Variants in RIMS1 observed in about 807,000 individuals in gnomAD.
RIMS1 encodes the protein regulating synaptic membrane exocytosis 1, also known as regulating synaptic membrane exocytosis protein 1.
Under a neutral mutation model 214.1 loss-of-function variants are expected in RIMS1, and 83 were observed. The observed-to-expected ratio is 0.39, with a 90% CI of 0.32 to 0.47. The LOEUF is 0.47. RIMS1 is among the 20% of genes least tolerant of loss of function. RIMS1 has a pLI of 0.99. For synonymous variants in RIMS1, 793 were observed against 786.8 expected (o/e 1.01, Z -0.13); for missense variants, 2,050 against 2,161.8 (o/e 0.95, Z 1.03).
At chr6:72,007,224 G>A (rs1808116514) in intron 2 of RIMS1, among the ~76,000 whole-genome samples, 1 of 152,192 alleles carries the variant, frequency 6.6e-6, no homozygotes, top group Non-Finnish European at 1.5e-5. Context: ...GGTCTGGAGT[G>A]GACCTCCAGC....
intron 28 of RIMS1, among the ~76,000 whole-genome samples, chr6:72,319,931 T>C (rs960933039): frequency 3.9e-5 from 6 of 152,188 alleles, no homozygotes; most frequent in Admixed American, 6.6e-5. Flanking sequence ...TTTGAAAATA[T>C]AGCATTTTGC....
chr6:72,012,262 T>G (rs990576786), intron 2 of RIMS1, among the ~76,000 whole-genome samples: 2 of 151,698 alleles, frequency 1.3e-5, no homozygotes, highest in Non-Finnish European at 2.9e-5. Flanking sequence ...TTGTCACTCA[T>G]AGGTGGGAAT....
intron 9 of RIMS1, among the ~76,000 whole-genome samples, chr6:72,239,514 A>ATATTTGCATTTATGCAAATAGAAT (rs1334945120): frequency 2.0e-5 from 3 of 152,196 alleles, no homozygotes; most frequent in Admixed American, 2.0e-4. Context: ...AACTGACTAA[A>ATATTTGCATTTATGCAAATAGAAT]TATTTGCATT....
intron 17 of RIMS1, 135 bp downstream of exon 17, chr6:72,258,416 T>C: frequency 1.1e-6 from 1 of 935,938 alleles, no homozygotes; most frequent in Non-Finnish European, 1.5e-6. Context: ...GTAGGCAAAA[T>C]TTTTTTTATT....
chr6:72,255,341 T>C (rs986419953), intron 16 of RIMS1, among the ~76,000 whole-genome samples: 2 of 152,214 alleles, frequency 1.3e-5, no homozygotes, highest in African/African-American at 2.4e-5. Context: ...ATATGTTTAA[T>C]GTACTCAAGG....
chr6:72,306,049 T>G (rs1006846603), intron 26 of RIMS1, among the ~76,000 whole-genome samples: 2 of 152,142 alleles, frequency 1.3e-5, no homozygotes, highest in Admixed American at 6.6e-5. Context: ...TAATCAAGGA[T>G]GATAGGCCAC....
intron 1 of RIMS1, among the ~76,000 whole-genome samples, chr6:71,953,205 T>C (rs1303725477): frequency 1.3e-5 from 2 of 152,090 alleles, no homozygotes; most frequent in African/African-American, 4.8e-5. Flanking sequence ...GCCAGGCTGG[T>C]CTTGAACTCC....
chr6:72,151,328 C>T (rs2043551118), intron 4 of RIMS1, among the ~76,000 whole-genome samples: 1 of 152,206 alleles, frequency 6.6e-6, no homozygotes, highest in African/African-American at 2.4e-5. Context: ...AGGCGTGAGC[C>T]ACTGTACCCG....
intron 24 of RIMS1, among the ~76,000 whole-genome samples, chr6:72,290,044 A>G (rs1409161420): frequency 6.6e-6 from 1 of 152,146 alleles, no homozygotes; most frequent in African/African-American, 2.4e-5. Flanking sequence ...TATCTGAGAG[A>G]ACATGTTTTT....
intron 6 of RIMS1, among the ~76,000 whole-genome samples, chr6:72,232,106 G>A (rs1393114343): frequency 6.6e-6 from 1 of 151,456 alleles, no homozygotes; most frequent in Non-Finnish European, 1.5e-5. Context: ...TTGAATTAAT[G>A]ATCAATTTTT....
At chr6:71,994,844 T>C (rs1802896949) in intron 2 of RIMS1, among the ~76,000 whole-genome samples, 1 of 152,230 alleles carries the variant, frequency 6.6e-6, no homozygotes. Flanking sequence ...AGCTGAACCA[T>C]GATACTAAGT....
intron 29 of RIMS1, among the ~76,000 whole-genome samples, chr6:72,350,004 G>GA (rs1462603594): frequency 1.3e-5 from 2 of 152,104 alleles, no homozygotes; most frequent in East Asian, 3.9e-4. Flanking sequence ...AAAATAGTAG[G>GA]AAAAATTTAC....
rs753531827 is a variant in RIMS1, at chr6:72,179,600, G to T, written c.497G>T (p.Arg166Leu). Residue 166 changes from arginine (R) to leucine (L), a missense_variant, in exon 5 of 34, where the codon CGA becomes CTA. Around this residue, in one of 6 missense-constraint regions of RIMS1, gnomAD observed 882 missense variants for 828.9 expected, o/e 1.06. Coordinates refer to ENST00000521978, the MANE Select transcript of RIMS1 (RefSeq NM_014989.7). ...GTTATGTGGGTATGCAATTTATGTC[G>T]AAAGCAACAAGAAATCTTAACCAAA... ...KVVMWVCNLC[R>L]KQQEILTKSG... is the part of the protein sequence containing the mutation. 2 of 1,613,600 alleles carry T rather than the reference G, an allele frequency of 1.2e-6. No homozygotes were observed. Among genetic ancestry groups the T allele is most frequent in the Non-Finnish European group, 1.7e-6 (2 of 1,179,752 alleles).
At chr6:72,213,644 T>C (rs913361751) in intron 6 of RIMS1, among the ~76,000 whole-genome samples, 1 of 152,186 alleles carries the variant, frequency 6.6e-6, no homozygotes, top group Non-Finnish European at 1.5e-5. Flanking sequence ...CATGACAAAT[T>C]GCAGTAATCA....
intron 6 of RIMS1, 55 bp downstream of exon 6, chr6:72,183,204 C>T: frequency 1.3e-6 from 2 of 1,546,168 alleles, no homozygotes; most frequent in South Asian, 1.2e-5. Flanking sequence ...GAGGCGTGGG[C>T]AGAGGTGCAG....
chr6:72,336,847 C>A (rs1036303560), intron 29 of RIMS1, among the ~76,000 whole-genome samples: 5 of 151,698 alleles, frequency 3.3e-5, no homozygotes, highest in African/African-American at 9.7e-5. Flanking sequence ...TGATTTTTCC[C>A]ATTCATTTAA....
intron 29 of RIMS1, among the ~76,000 whole-genome samples, chr6:72,358,004 C>G (rs2097699847): frequency 7.0e-6 from 1 of 143,254 alleles, no homozygotes; most frequent in South Asian, 2.2e-4. Flanking sequence ...ACACATTATA[C>G]ATTGATTTCA....
At chr6:72,173,340 TA>T (rs1263828574) in intron 4 of RIMS1, among the ~76,000 whole-genome samples, 7 of 152,256 alleles carry the variant, frequency 4.6e-5, no homozygotes, top group Non-Finnish European at 7.4e-5. Flanking sequence ...TTCATTGTAT[TA>T]ATATGCAATG....
chr6:72,013,210 T>C (rs546555750), intron 2 of RIMS1, among the ~76,000 whole-genome samples: 40 of 152,266 alleles, frequency 2.6e-4, no homozygotes, highest in African/African-American at 9.4e-4. Context: ...AACCCCAATA[T>C]TGCCTACGCC....
Sources: gnomAD v4.1 joint callset for allele counts (sites outside exome capture counted in the v4.1 genomes callset) on GRCh38, gnomAD v4.1.1 for gene constraint, gnomAD v4.1.1 regional missense constraint, MANE v1.5 for transcripts, NCBI Gene and HGNC (gene_info 2026-07-23, HGNC 2026-07-21) for gene names.